FBXL7: variants seen among roughly 807,000 people sequenced by gnomAD.
FBXL7 encodes F-box and leucine rich repeat protein 7.
In FBXL7, 12 loss-of-function variants were observed where a neutral mutation model predicts 38.3. The observed-to-expected ratio is 0.31, with a 90% confidence interval of 0.20 to 0.51. FBXL7 has a LOEUF of 0.51. FBXL7 is among the 20% of genes least tolerant of loss of function. FBXL7 has a pLI of 0.98. For synonymous variants in FBXL7, 297 were observed against 300.9 expected, an observed-to-expected ratio of 0.99 and a Z score of 0.13; for missense variants, 567 against 676.4, an observed-to-expected ratio of 0.84 and a Z score of 1.79.
intron 1 of FBXL7, among the ~76,000 whole-genome samples, chr5:15,596,353 C>A (rs749232915): frequency 5.9e-5 from 9 of 151,750 alleles, no homozygotes; most frequent in Non-Finnish European, 1.2e-4. Flanking sequence ...AGCACTAATT[C>A]TTGTCTCCTT....
chr5:15,818,307 T>C (rs1738074689), intron 2 of FBXL7, among the ~76,000 whole-genome samples: 1 of 152,184 alleles, frequency 6.6e-6, no homozygotes, highest in Non-Finnish European at 1.5e-5. Context: ...AAGGATCACT[T>C]TAAACTATGA....
chr5:15,775,842 C>T (rs1050467474), intron 2 of FBXL7, among the ~76,000 whole-genome samples: 1 of 152,126 alleles, frequency 6.6e-6, no homozygotes, highest in Non-Finnish European at 1.5e-5. Context: ...GATTATTCTC[C>T]TGCACTCCAT....
intron 2 of FBXL7, among the ~76,000 whole-genome samples, chr5:15,732,936 C>T (rs1401460169): frequency 6.6e-6 from 1 of 152,064 alleles, no homozygotes; most frequent in Non-Finnish European, 1.5e-5. Flanking sequence ...TTATACGTTA[C>T]ATATTTATAT....
At chr5:15,667,375 A>G (rs1742315759) in intron 2 of FBXL7, among the ~76,000 whole-genome samples, 2 of 152,188 alleles carry the variant, frequency 1.3e-5, no homozygotes. Context: ...ATAGTGTACT[A>G]CCTGTGAGGC....
chr5:15,552,343 C>T (rs1301517327), intron 1 of FBXL7, among the ~76,000 whole-genome samples: 1 of 152,146 alleles, frequency 6.6e-6, no homozygotes, highest in Admixed American at 6.5e-5. Flanking sequence ...AGTCACTGAC[C>T]ACTGGACACC....
At chr5:15,526,106 G>A (rs757508792) in intron 1 of FBXL7, among the ~76,000 whole-genome samples, 1 of 152,154 alleles carries the variant, frequency 6.6e-6, no homozygotes, top group Non-Finnish European at 1.5e-5. Context: ...GTGAAAGAGG[G>A]ACTTCTGCGA....
chr5:15,697,956 G>A (rs1018414739), intron 2 of FBXL7, among the ~76,000 whole-genome samples: 4 of 152,166 alleles, frequency 2.6e-5, no homozygotes, highest in African/African-American at 9.7e-5. Flanking sequence ...TTCCTAGTGA[G>A]ACCCACCTAC....
chr5:15,835,563 A>T (rs1047073091), intron 2 of FBXL7, among the ~76,000 whole-genome samples: 1 of 152,188 alleles, frequency 6.6e-6, no homozygotes, highest in African/African-American at 2.4e-5. Flanking sequence ...TCAGCTTCAC[A>T]GTATCCTGGA....
intron 2 of FBXL7, among the ~76,000 whole-genome samples, chr5:15,694,780 T>A (rs1743282362): frequency 6.6e-6 from 1 of 151,792 alleles, no homozygotes; most frequent in African/African-American, 2.4e-5. Context: ...GGGGAGGAGG[T>A]TGAGTGGAAA....
chr5:15,890,534 C>T (rs12655296), intron 2 of FBXL7, among the ~76,000 whole-genome samples: 80,829 of 151,976 alleles, frequency 0.53, 22,734 homozygotes, highest in Non-Finnish European at 0.63. Context: ...AGTCACCGTG[C>T]CCGGCTGGCT....
intron 2 of FBXL7, among the ~76,000 whole-genome samples, chr5:15,622,697 A>T (rs80231038): frequency 0.078 from 11,800 of 151,880 alleles, 563 homozygotes; most frequent in South Asian, 0.13. Flanking sequence ...AAATGAAGGG[A>T]TTTGCTTATT....
intron 1 of FBXL7, among the ~76,000 whole-genome samples, chr5:15,583,759 A>G (rs1739219496): frequency 6.6e-6 from 1 of 152,134 alleles, no homozygotes; most frequent in South Asian, 2.1e-4. Context: ...TGGATCTACC[A>G]TTCTGGGCTC....
At chr5:15,890,580 C>A (rs1429880222) in intron 2 of FBXL7, among the ~76,000 whole-genome samples, 1 of 152,130 alleles carries the variant, frequency 6.6e-6, no homozygotes, top group Non-Finnish European at 1.5e-5. Flanking sequence ...CTATTGTGAA[C>A]TGCGCATGCA....
At chr5:15,726,936 T>C (rs1166153793) in intron 2 of FBXL7, among the ~76,000 whole-genome samples, 1 of 152,140 alleles carries the variant, frequency 6.6e-6, no homozygotes, top group Non-Finnish European at 1.5e-5. Context: ...CTTTTGTGTT[T>C]AGTTGATTTT....
chr5:15,692,488 C>G (rs1050902987), intron 2 of FBXL7, among the ~76,000 whole-genome samples: 2 of 152,146 alleles, frequency 1.3e-5, no homozygotes, highest in African/African-American at 2.4e-5. Context: ...TTGCTTGCCT[C>G]TCAGTTTTTC....
At chr5:15,829,804 AAT>A (rs1289792997) in intron 2 of FBXL7, among the ~76,000 whole-genome samples, 1 of 152,156 alleles carries the variant, frequency 6.6e-6, no homozygotes, top group Non-Finnish European at 1.5e-5. Flanking sequence ...ATTTGCTTTT[AAT>A]ATATCACCAT....
chr5:15,828,505 G>C (rs533803263), intron 2 of FBXL7, among the ~76,000 whole-genome samples: 19 of 152,244 alleles, frequency 1.2e-4, no homozygotes, highest in African/African-American at 3.9e-4. Flanking sequence ...GCTTTTAAAG[G>C]GTTGTTTTCA....
At position 15,936,959 on chromosome 5, in the gene FBXL7, G is replaced by C; in HGVS notation, c.1249G>C (p.Asp417His). Reference protein sequence around the residue: ...LDIGKCPLVSDTGLECLALNC... With the variant: ...LDIGKCPLVSHTGLECLALNC... ...TATCGGCAAATGCCCTTTGGTATCC[G>C]ACACGGGCCTGGAGTGCCTGGCCCT... Residue 417 changes from aspartate (D) to histidine (H), a missense_variant, in exon 4 of 4, where the codon GAC becomes CAC. Transcript: ENST00000504595. The surrounding 1 kb of genome is among the most constrained non-coding windows in gnomAD (Gnocchi z 6.0). The C allele has an allele frequency of 6.2e-7, 1 of 1,614,030 alleles. No individual in the cohort carries two copies. Among genetic ancestry groups the C allele is most frequent in the Non-Finnish European group, 8.5e-7 (1 of 1,179,892 alleles).
chr5:15,556,391 G>T (rs908884864), intron 1 of FBXL7, among the ~76,000 whole-genome samples: 7 of 152,064 alleles, frequency 4.6e-5, no homozygotes, highest in African/African-American at 1.7e-4. Flanking sequence ...TCCCCCAGTT[G>T]GATGGCACCC....
Sources: gnomAD v4.1 joint callset for allele counts (sites outside exome capture counted in the v4.1 genomes callset) on GRCh38, gnomAD v4.1.1 for gene constraint, Gnocchi (gnomAD v3.1) non-coding constraint, MANE v1.5 for transcripts, NCBI Gene and HGNC (gene_info 2026-07-23, HGNC 2026-07-21) for gene names.